The following TNRC6B variants were observed in gnomAD, a reference collection of about 807,000 sequenced individuals.
TNRC6B encodes the protein trinucleotide repeat containing adaptor 6B.
Under a neutral mutation model 203.6 loss-of-function variants are expected in TNRC6B, and 52 were observed. The ratio of observed to expected loss-of-function variants is 0.26; its 90% CI spans 0.20 to 0.32. The LOEUF (loss-of-function observed/expected upper bound fraction) is 0.32. Among genes scored for constraint, TNRC6B ranks in the 10% least tolerant of loss-of-function variants. The probability of loss-of-function intolerance (pLI) is 1.00; values close to 1 mark genes in which losing one functional copy is unlikely to be tolerated. For missense variants in TNRC6B, 1,923 were observed against 2,286.2 expected, an observed-to-expected ratio of 0.84 and a Z score of 3.24; for synonymous variants, 838 against 845.7, an observed-to-expected ratio of 0.99 and a Z score of 0.16.
At chr22:40,101,185 G>C (rs1236703445) in intron 1 of TNRC6B, among the ~76,000 whole-genome samples, 1 of 152,014 alleles carries the variant, frequency 6.6e-6, no homozygotes, top group East Asian at 1.9e-4. Flanking sequence ...GTAGAGATGG[G>C]GTTTCATTGC....
At chr22:40,312,333 G>A (rs1470151124) in intron 17 of TNRC6B, among the ~76,000 whole-genome samples, 172 bp from the exon 18 acceptor site, 1 of 152,198 alleles carries the variant, frequency 6.6e-6, no homozygotes, top group Non-Finnish European at 1.5e-5. Context: ...GGTGCTGTTG[G>A]CAAGAGTATG....
intron 1 of TNRC6B, among the ~76,000 whole-genome samples, chr22:40,067,644 G>A (rs2067907090): frequency 6.6e-6 from 1 of 152,154 alleles, no homozygotes; most frequent in African/African-American, 2.4e-5. Flanking sequence ...GGCTGCTGGT[G>A]CAAATCCCAG....
chr22:40,132,215 G>C (rs1380663317), intron 3 of TNRC6B, among the ~76,000 whole-genome samples: 1 of 152,130 alleles, frequency 6.6e-6, no homozygotes, highest in East Asian at 1.9e-4. Flanking sequence ...GGGCCTGTTA[G>C]TGTGCACCTG....
intron 11 of TNRC6B, among the ~76,000 whole-genome samples, chr22:40,283,673 A>G (rs564350755): frequency 1.2e-4 from 19 of 152,146 alleles, no homozygotes; most frequent in Non-Finnish European, 2.5e-4. Flanking sequence ...TTCCAGATAT[A>G]TCATAGTGCT....
At chr22:40,185,197 G>A (rs941594174) in intron 1 of TNRC6B, among the ~76,000 whole-genome samples, 1 of 152,056 alleles carries the variant, frequency 6.6e-6, no homozygotes, top group Non-Finnish European at 1.5e-5. Context: ...CACCATGTTG[G>A]CCAAAATGGT....
intron 1 of TNRC6B, among the ~76,000 whole-genome samples, chr22:40,227,094 A>G (rs1330504544): frequency 1.4e-5 from 2 of 146,812 alleles, no homozygotes; most frequent in Non-Finnish European, 3.0e-5. Flanking sequence ...TATTATTATT[A>G]TTATTATTAT....
upstream of TNRC6B, among the ~76,000 whole-genome samples, chr22:40,173,794 T>TATATATATATATATATATATAA (rs201025367): frequency 3.5e-4 from 11 of 31,448 alleles, no homozygotes; most frequent in Non-Finnish European, 5.3e-4. Context: ...TATATATATA[T>TATATATATATATATATATATAA]TTTTTTTTTT....
intron 1 of TNRC6B, among the ~76,000 whole-genome samples, chr22:40,210,289 A>T (rs5995839): frequency 0.68 from 103,275 of 152,100 alleles, 36,814 homozygotes; most frequent in African/African-American, 0.9. Context: ...ACAGTGAGTA[A>T]GAAAAAGCTG....
chr22:40,109,479 T>G (rs142266485), intron 1 of TNRC6B, among the ~76,000 whole-genome samples: 2,096 of 152,296 alleles, frequency 0.014, 26 homozygotes, highest in Non-Finnish European at 0.02. Flanking sequence ...AAATCACCGT[T>G]CTGACTTGCA....
At chr22:40,219,500 A>T (rs1393519486) in intron 1 of TNRC6B, among the ~76,000 whole-genome samples, 4 of 152,136 alleles carry the variant, frequency 2.6e-5, no homozygotes, top group Non-Finnish European at 5.9e-5. Flanking sequence ...AAAGGATAGC[A>T]GGGGCCCTCC....
intron 11 of TNRC6B, among the ~76,000 whole-genome samples, chr22:40,281,745 CT>C (rs2070723691): frequency 6.6e-6 from 1 of 152,156 alleles, no homozygotes; most frequent in Non-Finnish European, 1.5e-5. Flanking sequence ...AATCTAGTGT[CT>C]TTAAGTGTAA....
chr22:40,281,090 G>A (rs1180932816), intron 10 of TNRC6B, 29 bp from the exon 11 acceptor site: 1 of 1,521,374 alleles, frequency 6.6e-7, no homozygotes. Flanking sequence ...AACACTCGTT[G>A]TGATTGGCTA....
At chr22:40,258,101 T>TTTTTTTTTTA (rs869114055) in intron 3 of TNRC6B, among the ~76,000 whole-genome samples, 6 of 108,414 alleles carry the variant, frequency 5.5e-5, no homozygotes, top group African/African-American at 2.9e-4. Flanking sequence ...TTTTTTTTTT[T>TTTTTTTTTTA]ACCCCACAAT....
intron 22 of TNRC6B, 145 bp from the exon 23 acceptor site, chr22:40,322,709 G>T: frequency 1.1e-6 from 1 of 926,720 alleles, no homozygotes; most frequent in South Asian, 1.7e-5. Flanking sequence ...GTGGAGCTTG[G>T]ACTTTGCATT....
chr22:40,257,122 T>C (rs369375759), intron 3 of TNRC6B, among the ~76,000 whole-genome samples: 75 of 152,242 alleles, frequency 4.9e-4, no homozygotes, highest in African/African-American at 1.8e-3. Context: ...GCCTTGTTTG[T>C]ATTTTAACTA....
chr22:40,277,210 AC>A, intron 8 of TNRC6B, 59 bp downstream of exon 8: 1 of 1,311,038 alleles, frequency 7.6e-7, no homozygotes, highest in South Asian at 1.4e-5. Context: ...TAATATTAAT[AC>A]CAATTTTAAG....
chr22:40,079,628 A>AT (rs890590574), intron 1 of TNRC6B, among the ~76,000 whole-genome samples: 25 of 146,998 alleles, frequency 1.7e-4, no homozygotes, highest in Admixed American at 2.7e-4. Flanking sequence ...TTTTTGGGTT[A>AT]TTTTTTTTGA....
chr22:40,176,082 G>T (rs1355583431), upstream of TNRC6B, among the ~76,000 whole-genome samples: 1 of 151,858 alleles, frequency 6.6e-6, no homozygotes, highest in Non-Finnish European at 1.5e-5. Flanking sequence ...CTGGCTTATA[G>T]AGATAGGTGG....
At chr22:40,219,568 C>T (rs980621463) in intron 1 of TNRC6B, among the ~76,000 whole-genome samples, 4 of 152,210 alleles carry the variant, frequency 2.6e-5, no homozygotes, top group African/African-American at 7.2e-5. Context: ...TCTGTTCCAT[C>T]TTCCCTGCTG....
Sources: allele counts gnomAD v4.1 joint callset (sites outside exome capture counted in the v4.1 genomes callset), GRCh38; gene constraint gnomAD v4.1.1; transcripts MANE v1.5; gene names NCBI Gene and HGNC (gene_info 2026-07-23, HGNC 2026-07-21).